RALGPS1: variants seen among roughly 807,000 people sequenced by gnomAD.
The protein encoded by RALGPS1 is Ral GEF with PH domain and SH3 binding motif 1.
In RALGPS1, 19 loss-of-function variants were observed where a neutral mutation model predicts 78.8. The ratio of observed to expected loss-of-function variants is 0.24; its 90% CI spans 0.17 to 0.35. The LOEUF is 0.35. Ranked by LOEUF, RALGPS1 falls within the 10% of genes least tolerant of loss-of-function variation. RALGPS1 has a pLI of 1.00. For missense variants in RALGPS1, 454 were observed against 688.3 expected, an observed-to-expected ratio of 0.66 and a Z score of 3.81; for synonymous variants, 228 against 256.3, an observed-to-expected ratio of 0.89 and a Z score of 1.06.
chr9:127,108,430 C>A (rs780308946), intron 8 of RALGPS1: 4 of 1,608,444 alleles, frequency 2.5e-6, no homozygotes, highest in Non-Finnish European at 3.4e-6. Flanking sequence ...CTCGATCTGC[C>A]GCTTCTGCTT....
Position 127,013,595 on chromosome 9 carries a change from C to T in RALGPS1, c.217-20836C>T, listed in dbSNP as rs1172405048. 5.9e-5 allele frequency among the ~76,000 whole-genome samples: 9 copies of T among 152,128 alleles called. 1 individual carries two copies. Among genetic ancestry groups the T allele is most frequent in the Admixed American group, 5.9e-4 (9 of 15,284 alleles). ...CTCAACTTTGGCACTTATCTCCCAG[C>T]GGGCATCTCTACACCCATGTCTGCC... On this transcript the variant is annotated intron_variant, in intron 4 of 18. Transcript: ENST00000259351.
chr9:126,977,609 A>G, intron 3 of RALGPS1, 86 bp from the exon 4 acceptor site: 1 of 847,642 alleles, frequency 1.2e-6, no homozygotes, highest in Non-Finnish European at 1.8e-6. Flanking sequence ...TATAACTTTT[A>G]TGAGTGTATA....
rs2049923324 is a variant in RALGPS1, at chr9:127,068,674, G to A, written c.484-556G>A. On this transcript the variant is annotated intron_variant, in intron 7 of 18. Transcript: ENST00000259351. ...TTTGCCCAGGAGAGAATTCAAGGGT[G>A]AGCTGGTGGTGTTAGACAACAGCTT... Among the ~76,000 whole-genome samples, 2 of 152,188 alleles carry A rather than the reference G, an allele frequency of 1.3e-5. 1 individual carries two copies. Among genetic ancestry groups the A allele is most frequent in the South Asian group, 4.1e-4 (2 of 4,826 alleles).
At chr9:127,158,343 A>G (rs1414960991) in intron 8 of RALGPS1, among the ~76,000 whole-genome samples, 1 of 152,010 alleles carries the variant, frequency 6.6e-6, no homozygotes. Context: ...TTTTCTCTTT[A>G]TTAGTAAAGT....
chr9:126,999,881 C>G (rs2043130141), intron 4 of RALGPS1, among the ~76,000 whole-genome samples: 1 of 152,182 alleles, frequency 6.6e-6, no homozygotes, highest in South Asian at 2.1e-4. Context: ...GCTTTTAAAC[C>G]ACAAATTTAG....
At chr9:127,113,188 C>G (rs754278290) in intron 8 of RALGPS1, among the ~76,000 whole-genome samples, 2 of 152,152 alleles carry the variant, frequency 1.3e-5, no homozygotes, top group Non-Finnish European at 2.9e-5. Context: ...TTATTCACCC[C>G]TGTTTTATCA....
At chr9:126,928,581 C>G (rs187692340) in intron 1 of RALGPS1, among the ~76,000 whole-genome samples, 1 of 152,200 alleles carries the variant, frequency 6.6e-6, no homozygotes, top group Admixed American at 6.5e-5. Context: ...ACAAATACTA[C>G]CAGTGAGGAT....
In RALGPS1 at chr9:127,183,468, G is replaced by A. The variant is rs891901953; in HGVS notation, c.910+8686G>A. 3.3e-5 allele frequency among the ~76,000 whole-genome samples: 5 copies of A among 152,082 alleles called. No individual in the cohort carries two copies. The highest frequency in any genetic ancestry group is 1.2e-4 in the African/African-American group (5 of 41,390). ...CAGCTTTCCTCACATGGGCCACCTC[G>A]GTCCACAGGAGGCCGTACCTGTCCT... On this transcript the variant is annotated intron_variant, in intron 11 of 18. Transcript: ENST00000259351. The surrounding 1 kb of genome is among the most constrained non-coding windows in gnomAD (Gnocchi z 4.0).
In RALGPS1 at chr9:127,026,932, G is replaced by A. The variant is rs143853774; in HGVS notation, c.217-7499G>A. 7.2e-5 allele frequency among the ~76,000 whole-genome samples: 11 copies of A among 152,236 alleles called. No homozygotes were observed. The South Asian group carries it at 1.0e-3, about 14-fold the overall frequency. ...AATTCTCCCATCCCACTTTTTGCCC[G>A]GGGGTGGATGCTAGCAGGCAGCGGG... On this transcript the variant is annotated intron_variant, in intron 4 of 18. Transcript: ENST00000259351.
At chr9:126,920,084 T>C (rs1205488896) in intron 1 of RALGPS1, among the ~76,000 whole-genome samples, 3 of 152,318 alleles carry the variant, frequency 2.0e-5, no homozygotes, top group African/African-American at 4.8e-5. Context: ...ACTTTTTGCC[T>C]GTGTCTCTAC....
At chr9:126,925,152 A>G (rs2035147457) in intron 1 of RALGPS1, among the ~76,000 whole-genome samples, 1 of 152,036 alleles carries the variant, frequency 6.6e-6, no homozygotes, top group Non-Finnish European at 1.5e-5. Flanking sequence ...AAATAAATAA[A>G]TAAATATAAA....
intron 8 of RALGPS1, among the ~76,000 whole-genome samples, chr9:127,109,059 C>T (rs1278466320): frequency 2.6e-5 from 4 of 152,166 alleles, no homozygotes; most frequent in African/African-American, 9.7e-5. Flanking sequence ...AGCTCCAATG[C>T]CCGCAGCCCC....
Position 127,168,784 on chromosome 9 carries a change from C to G in RALGPS1, c.842+12C>G, listed in dbSNP as rs372261269. ...GACGACAACTACAAGTAAGTCCCCA[C>G]GTATTCCTGTGTCAGGCCTCCCAGC... On this transcript the variant is annotated intron_variant, in intron 10 of 18. Transcript: ENST00000259351. The G allele has an allele frequency of 4.0e-5, 63 of 1,590,340 alleles. No individual in the cohort carries two copies. The highest frequency in any genetic ancestry group is 5.4e-5 in the Non-Finnish European group (63 of 1,158,500).
At chr9:127,116,127 A>G (rs531037790) in intron 8 of RALGPS1, among the ~76,000 whole-genome samples, 1 of 152,252 alleles carries the variant, frequency 6.6e-6, no homozygotes, top group East Asian at 1.9e-4. Flanking sequence ...GTGCATTGCT[A>G]CTACCTGTCA....
In RALGPS1 at chr9:127,077,463, G is replaced by A. The variant is rs560014007; in HGVS notation, c.610+8107G>A. 2.6e-5 allele frequency among the ~76,000 whole-genome samples: 4 copies of A among 152,346 alleles called. No individual in the cohort carries two copies. The South Asian group carries it at 8.3e-4, about 32-fold the overall frequency. ...GCTGTGGGACCCCTTAAAGCAGAGA[G>A]GAAAGAGCAAGCAAGGGTGGGATCA... On this transcript the variant is annotated intron_variant, in intron 8 of 18. Coordinates refer to ENST00000259351, the MANE Select transcript of RALGPS1 (RefSeq NM_014636.3).
chr9:127,014,223 A>G (rs1010193007), intron 4 of RALGPS1, among the ~76,000 whole-genome samples: 20 of 152,368 alleles, frequency 1.3e-4, no homozygotes, highest in Admixed American at 1.2e-3. Flanking sequence ...CTAGTGGCTC[A>G]AATGTTCAAA....
At chr9:127,176,576 C>A (rs1018224068) in intron 11 of RALGPS1, among the ~76,000 whole-genome samples, 2 of 152,208 alleles carry the variant, frequency 1.3e-5, no homozygotes, top group African/African-American at 2.4e-5. Flanking sequence ...GAGTCCCCTC[C>A]AAATTAGTGT....
intron 4 of RALGPS1, among the ~76,000 whole-genome samples, chr9:127,021,435 A>T (rs2045431676): frequency 6.7e-6 from 1 of 149,368 alleles, no homozygotes; most frequent in African/African-American, 2.5e-5. Context: ...CTGGAGGTGG[A>T]GGTTGTGAGC....
chr9:127,034,280 C>T, intron 4 of RALGPS1, 151 bp from the exon 5 acceptor site: 1 of 687,812 alleles, frequency 1.5e-6, no homozygotes, highest in Non-Finnish European at 2.6e-6. Context: ...ACCTACAAAC[C>T]CAGCCCTTCT....
Sources: allele counts gnomAD v4.1 joint callset (sites outside exome capture counted in the v4.1 genomes callset), GRCh38; gene constraint gnomAD v4.1.1; non-coding constraint Gnocchi (gnomAD v3.1); transcripts MANE v1.5; gene names NCBI Gene and HGNC (gene_info 2026-07-23, HGNC 2026-07-21).